FBXL18: variants seen among roughly 807,000 people sequenced by gnomAD.
The protein encoded by FBXL18 is F-box and leucine rich repeat protein 18, also known as F-box/LRR-repeat protein 18.
FBXL18 carries 36 observed loss-of-function variants against 46.0 expected under a neutral mutation model. The ratio of observed to expected loss-of-function variants is 0.78; its 90% CI spans 0.60 to 1.03. The LOEUF (loss-of-function observed/expected upper bound fraction) is 1.03. FBXL18 is among the 50% of genes least tolerant of loss of function. The pLI is 0.00. For synonymous variants in FBXL18, 557 were observed against 465.3 expected, an observed-to-expected ratio of 1.20 and a Z score of -2.54; for missense variants, 977 against 1,004.1, an observed-to-expected ratio of 0.97 and a Z score of 0.36.
At chr7:5,454,691 G>A (rs1398879139) in intron 4 of FBXL18, among the ~76,000 whole-genome samples, 2 of 152,172 alleles carry the variant, frequency 1.3e-5, no homozygotes, top group African/African-American at 4.8e-5. Context: ...TCAGGAAGCT[G>A]CCCCAGGGCA....
Position 5,513,774 on chromosome 7 carries a change from C to A in FBXL18, c.-100G>T. On this transcript the variant is annotated 5_prime_UTR_variant, in exon 1 of 5. Transcript: ENST00000382368. ...GAAGCCGGCGCGTCCACCGCTCAAC[C>A]GAGACCCCGGCAAGGAGCGGGCTCT... is the stretch of plus-strand genomic sequence containing the variant. 2.7e-6 allele frequency: 4 copies of A among 1,488,118 alleles called. No homozygotes were observed. The highest frequency in any genetic ancestry group is 1.8e-6 in the Non-Finnish European group (2 of 1,103,348). The allele number at this position is 1,488,118 out of a possible 1,614,324, so 92.2% of individuals were successfully genotyped here.
At chr7:5,475,227 C>G (rs1430696670), downstream of FBXL18, among the ~76,000 whole-genome samples, 2 of 151,922 alleles carry the variant, frequency 1.3e-5, no homozygotes, top group South Asian at 4.2e-4. This position sits in a 1 kb window ranked among gnomAD's most constrained non-coding sequence, Gnocchi z 4.2. Context: ...GAGGCTGAGG[C>G]AGGAGAATCG....
chr7:5,469,361 G>A (rs191516574), intron 4 of FBXL18, among the ~76,000 whole-genome samples: 560 of 152,346 alleles, frequency 3.7e-3, no homozygotes, highest in South Asian at 8.9e-3. Flanking sequence ...GCAGTGAGCT[G>A]AGATCGTGCC....
intron 4 of FBXL18, chr7:5,489,419 G>C: frequency 2.2e-6 from 1 of 464,756 alleles, no homozygotes; most frequent in Non-Finnish European, 4.2e-6. Flanking sequence ...CGGATCACCT[G>C]AGGTCAGGAG....
rs1783649714 is a variant in FBXL18 at position 5,481,695 on chromosome 7, G to A, written c.*80C>T. On this transcript the variant is annotated 3_prime_UTR_variant, in exon 5 of 5. Coordinates refer to ENST00000382368, the MANE Select transcript of FBXL18 (RefSeq NM_024963.6). ...GGGAGAGAGGCCCCCTTCCTCTTGT[G>A]ACAAACCAAGGGTCCCTGGCGTCCC... The A allele has an allele frequency of 6.6e-7, 1 of 1,512,208 alleles. No homozygotes were observed. The highest frequency in any genetic ancestry group is 9.0e-7 in the Non-Finnish European group (1 of 1,106,718). 93.7% of individuals were successfully genotyped at this position (1,512,208 alleles called of 1,614,324 possible).
chr7:5,463,304 T>A (rs190833295), intron 4 of FBXL18, among the ~76,000 whole-genome samples: 1 of 151,730 alleles, frequency 6.6e-6, no homozygotes, highest in African/African-American at 2.4e-5. Context: ...TCCAAGAGAA[T>A]TGAAAACACG....
chr7:5,454,914 G>A (rs1244554738), intron 4 of FBXL18, among the ~76,000 whole-genome samples: 1 of 152,200 alleles, frequency 6.6e-6, no homozygotes, highest in Non-Finnish European at 1.5e-5. Flanking sequence ...GCTGTTGTTT[G>A]GGATTTTCTA....
At position 5,501,565 on chromosome 7, in the gene FBXL18, G is replaced by C. The variant is rs776694494; in HGVS notation, c.704C>G (p.Ala235Gly). 12 of 1,613,826 alleles carry C rather than the reference G, an allele frequency of 7.4e-6. No homozygotes were observed. In the Admixed American group the frequency reaches 2.0e-4, roughly 27 times the overall value. Residue 235 changes from alanine to glycine, a missense_variant, in exon 3 of 5, where the codon GCG becomes GGG. By Grantham distance (60) the Ala-to-Gly change is moderately conservative. Transcript: ENST00000382368. ...PHYQNLRVFY[A>G]RLAPGYINQE... Reference sequence around the variant, plus strand: ...GTTGATGTAGCCGGGGGCCAGGCGCGCATAGAAGACCCGCAGGTTCTGGTA... The same window carrying C: ...GTTGATGTAGCCGGGGGCCAGGCGCCCATAGAAGACCCGCAGGTTCTGGTA...
Position 5,481,914 on chromosome 7 carries a change from G to A in FBXL18, c.2018C>T (p.Pro673Leu). ...SLLRSFQAERPALNVVIFPLL... is the reference protein window; with the variant it reads ...SLLRSFQAERLALNVVIFPLL... Reference sequence around the variant, plus strand: ...AGGGAAGATGACGACGTTTAACGCGGGCCGCTCGGCCTGGAAGCTGAACCA... The same window carrying A: ...AGGGAAGATGACGACGTTTAACGCGAGCCGCTCGGCCTGGAAGCTGAACCA... The change falls in exon 5 of 5, where the codon CCC (proline) becomes CTC (leucine). Residue 673 changes from proline to leucine, a missense_variant. Coordinates refer to ENST00000382368, the MANE Select transcript of FBXL18 (RefSeq NM_024963.6). 1.9e-6 allele frequency: 3 copies of A among 1,608,570 alleles called. No homozygotes were observed. The highest frequency in any genetic ancestry group is 2.5e-6 in the Non-Finnish European group (3 of 1,176,996).
In FBXL18 at chr7:5,496,532, AC is replaced by A. The variant is rs1784085637; in HGVS notation, c.1781+3955del. ...CGCCAAAGCAACTCTCCCAGGCCAGACCTCAGCCTGGACTCAGGGCTTGGCT... is the reference window on the plus strand; with the variant it reads ...CGCCAAAGCAACTCTCCCAGGCCAGACTCAGCCTGGACTCAGGGCTTGGCT... On this transcript the variant is annotated intron_variant, in intron 3 of 4. Coordinates refer to ENST00000382368, the MANE Select transcript of FBXL18 (RefSeq NM_024963.6). The surrounding 1 kb of genome is among the most constrained non-coding windows in gnomAD (Gnocchi z 4.8). Among the ~76,000 whole-genome samples, 1 of 152,146 alleles carries A rather than the reference AC, an allele frequency of 6.6e-6. No individual in the cohort carries two copies. The highest frequency in any genetic ancestry group is 1.5e-5 in the Non-Finnish European group (1 of 68,024).
intron 4 of FBXL18, among the ~76,000 whole-genome samples, chr7:5,469,553 TGG>T (rs375769038): frequency 6.0e-5 from 9 of 150,256 alleles, no homozygotes; most frequent in African/African-American, 1.7e-4. Flanking sequence ...TGGGTGTGTG[TGG>T]GGGGGGTGTA....
intron 3 of FBXL18, among the ~76,000 whole-genome samples, chr7:5,494,526 G>C (rs12536086): frequency 6.6e-6 from 1 of 152,196 alleles, no homozygotes; most frequent in African/African-American, 2.4e-5. Flanking sequence ...AAGCTATTCA[G>C]ATTGTTTTTA....
intron 1 of FBXL18, among the ~76,000 whole-genome samples, chr7:5,507,197 G>GT (rs1425291290): frequency 6.6e-6 from 1 of 152,186 alleles, no homozygotes; most frequent in Non-Finnish European, 1.5e-5. Flanking sequence ...GAAGCTCTGA[G>GT]TTTTGCAAAG....
chr7:5,454,859 C>G (rs1783150489), intron 4 of FBXL18, among the ~76,000 whole-genome samples: 1 of 152,200 alleles, frequency 6.6e-6, no homozygotes, highest in Non-Finnish European at 1.5e-5. Context: ...GCGCAGATGG[C>G]CACCCGAGCT....
intron 3 of FBXL18, among the ~76,000 whole-genome samples, chr7:5,494,792 T>C (rs1306295547): frequency 6.6e-6 from 1 of 152,152 alleles, no homozygotes; most frequent in Non-Finnish European, 1.5e-5. Flanking sequence ...GTGTGGTCAC[T>C]AGGTGGCGAT....
At chr7:5,454,851 G>A (rs1783150319) in intron 4 of FBXL18, among the ~76,000 whole-genome samples, 1 of 152,228 alleles carries the variant, frequency 6.6e-6, no homozygotes, top group African/African-American at 2.4e-5. Flanking sequence ...GCCCATCAGC[G>A]CAGATGGCCA....
At position 5,478,533 on chromosome 7, in the gene FBXL18, C is replaced by G. The variant is rs1783567486; in HGVS notation, c.*3242G>C. The G allele has an allele frequency of 6.6e-6, 1 of 152,576 alleles. No homozygotes were observed. Among genetic ancestry groups the G allele is most frequent in the African/African-American group, 2.4e-5 (1 of 41,432 alleles). The allele number at this position is 152,576 out of a possible 1,614,324, so 9.5% of individuals were successfully genotyped here. A position where few individuals can be genotyped will look rare whatever the true frequency, so the allele number is the denominator to read the frequency against. On this transcript the variant is annotated 3_prime_UTR_variant, in exon 5 of 5. Transcript: ENST00000382368. ...GGAAGGGGGTCAGGAGAATAAATAG[C>G]AGCTAGGTGTGGGGTGAGCTGGGAG...
chr7:5,458,274 G>A (rs1783199482), intron 4 of FBXL18, among the ~76,000 whole-genome samples: 1 of 152,194 alleles, frequency 6.6e-6, no homozygotes, highest in Non-Finnish European at 1.5e-5. Flanking sequence ...TCTGTATAGA[G>A]AGGTTTCTGG....
chr7:5,462,950 C>CAAAAA (rs138208570), intron 4 of FBXL18, among the ~76,000 whole-genome samples: 12 of 22,376 alleles, frequency 5.4e-4, no homozygotes, highest in African/African-American at 9.3e-4. Flanking sequence ...GACTTGGTCT[C>CAAAAA]AAAAAAAAAA....
Sources: gnomAD v4.1 joint callset for allele counts (sites outside exome capture counted in the v4.1 genomes callset) on GRCh38, gnomAD v4.1.1 for gene constraint, Gnocchi (gnomAD v3.1) non-coding constraint, MANE v1.5 for transcripts, NCBI Gene and HGNC (gene_info 2026-07-23, HGNC 2026-07-21) for gene names.